The following LRFN2 variants were observed in gnomAD, a reference collection of about 807,000 sequenced individuals.
The protein encoded by LRFN2 is leucine rich repeat and fibronectin type III domain containing 2.
LRFN2 carries 18 observed loss-of-function variants against 37.3 expected under a neutral mutation model. That is an observed-to-expected ratio of 0.48 (90% CI 0.33 to 0.72). LRFN2 has a LOEUF of 0.72. Ranked by LOEUF, LRFN2 falls within the 30% of genes least tolerant of loss-of-function variation. The probability of loss-of-function intolerance (pLI) is 0.02; values close to 1 mark genes in which losing one functional copy is unlikely to be tolerated. For synonymous variants in LRFN2, 556 were observed against 466.6 expected (o/e 1.19, Z -2.47); for missense variants, 1,006 against 1,060.7 (o/e 0.95, Z 0.72).
intron 1 of LRFN2, among the ~76,000 whole-genome samples, chr6:40,449,673 C>T (rs924021724): frequency 6.6e-6 from 1 of 152,182 alleles, no homozygotes; most frequent in African/African-American, 2.4e-5. Context: ...GAACTTCCCA[C>T]AGTTTGTCTC....
chr6:40,513,526 G>A (rs759964929), intron 1 of LRFN2, among the ~76,000 whole-genome samples: 1 of 152,180 alleles, frequency 6.6e-6, no homozygotes, highest in East Asian at 1.9e-4. Context: ...GAGCCACTAT[G>A]CTCAGCCTCA....
chr6:40,474,341 G>T (rs1764665526), intron 1 of LRFN2, among the ~76,000 whole-genome samples: 1 of 152,084 alleles, frequency 6.6e-6, no homozygotes, highest in South Asian at 2.1e-4. Flanking sequence ...AATCCTAGGT[G>T]CTCCTTGGCT....
At chr6:40,420,514 C>T (rs1474264798) in intron 2 of LRFN2, among the ~76,000 whole-genome samples, 1 of 152,262 alleles carries the variant, frequency 6.6e-6, no homozygotes, top group Non-Finnish European at 1.5e-5. Context: ...AAACTGGCTA[C>T]TGGTTGCTGG....
At chr6:40,507,155 G>A (rs569631159) in intron 1 of LRFN2, among the ~76,000 whole-genome samples, 2 of 152,306 alleles carry the variant, frequency 1.3e-5, no homozygotes, top group Admixed American at 1.3e-4. Context: ...ACTCAACTCA[G>A]CCTGGCATCT....
At chr6:40,586,098 C>T (rs1298050564) in intron 1 of LRFN2, among the ~76,000 whole-genome samples, 1 of 152,180 alleles carries the variant, frequency 6.6e-6, no homozygotes, top group Non-Finnish European at 1.5e-5. Context: ...CTCTATCTCC[C>T]TAGAACTCTC....
rs539093765 is a variant in LRFN2 at position 40,567,937 on chromosome 6, C to T, written c.-19+19004G>A. Reference sequence around the variant, plus strand: ...ACTGCCATCACATTCTTCAATGCCCCTAAACAGCCTGCTCAAGAACTGGAA... The same window carrying T: ...ACTGCCATCACATTCTTCAATGCCCTTAAACAGCCTGCTCAAGAACTGGAA... On this transcript the variant is annotated intron_variant, in intron 1 of 2. Transcript: ENST00000338305. Among the ~76,000 whole-genome samples, 20 of 152,316 alleles carry T rather than the reference C, an allele frequency of 1.3e-4. No individual in the cohort carries two copies. The South Asian group carries it at 4.1e-3, about 32-fold the overall frequency.
intron 2 of LRFN2, among the ~76,000 whole-genome samples, chr6:40,427,335 T>A (rs142523404): frequency 6.6e-6 from 1 of 152,356 alleles, no homozygotes; most frequent in African/African-American, 2.4e-5. Flanking sequence ...CTCCCTTGTG[T>A]CCCAAGACAG....
intron 2 of LRFN2, among the ~76,000 whole-genome samples, chr6:40,426,513 G>A (rs750484466): frequency 1.3e-4 from 20 of 152,198 alleles, no homozygotes; most frequent in Admixed American, 4.6e-4. Context: ...ACATGCTAGC[G>A]AGAGGAAGAT....
chr6:40,395,244 C>T (rs1420748145), intron 2 of LRFN2, among the ~76,000 whole-genome samples: 5 of 152,172 alleles, frequency 3.3e-5, no homozygotes, highest in Non-Finnish European at 7.4e-5. Flanking sequence ...AAGTGATCTG[C>T]CTGAGGTCAC....
At chr6:40,393,411 A>G (rs1379355984) in intron 2 of LRFN2, among the ~76,000 whole-genome samples, 1 of 151,964 alleles carries the variant, frequency 6.6e-6, no homozygotes, top group Non-Finnish European at 1.5e-5. Context: ...CACAATGAGT[A>G]TGAAGATGAA....
chr6:40,547,781 A>G (rs1268602827), intron 1 of LRFN2, among the ~76,000 whole-genome samples: 1 of 152,106 alleles, frequency 6.6e-6, no homozygotes, highest in Non-Finnish European at 1.5e-5. Flanking sequence ...CCTTTTTGAT[A>G]CTGCTCACAT....
intron 1 of LRFN2, among the ~76,000 whole-genome samples, chr6:40,518,242 T>A (rs919042484): frequency 1.3e-5 from 2 of 152,214 alleles, no homozygotes; most frequent in African/African-American, 2.4e-5. Flanking sequence ...TCATGTAACA[T>A]CTTATTTAAT....
chr6:40,574,531 G>A (rs1038517675), intron 1 of LRFN2, among the ~76,000 whole-genome samples: 4 of 152,132 alleles, frequency 2.6e-5, no homozygotes, highest in African/African-American at 4.8e-5. Flanking sequence ...GGGGGGTGGC[G>A]GGGAGTGCTG....
At chr6:40,439,013 C>T (rs1395675747) in intron 1 of LRFN2, among the ~76,000 whole-genome samples, 3 of 152,138 alleles carry the variant, frequency 2.0e-5, no homozygotes, top group Non-Finnish European at 4.4e-5. Flanking sequence ...GTTCTTGTTC[C>T]TTGGCTTGAC....
intron 1 of LRFN2, among the ~76,000 whole-genome samples, chr6:40,455,075 C>T (rs1378335773): frequency 6.6e-6 from 1 of 152,132 alleles, no homozygotes; most frequent in Non-Finnish European, 1.5e-5. Flanking sequence ...AAATTTAAAT[C>T]TATTGCTTTT....
At chr6:40,565,076 A>C (rs151247869) in intron 1 of LRFN2, among the ~76,000 whole-genome samples, 1 of 152,334 alleles carries the variant, frequency 6.6e-6, no homozygotes, top group African/African-American at 2.4e-5. Context: ...CCAAACTCTA[A>C]GAAAAATTGG....
intron 1 of LRFN2, among the ~76,000 whole-genome samples, chr6:40,487,900 C>T (rs1765002293): frequency 7.0e-6 from 1 of 142,480 alleles, no homozygotes; most frequent in African/African-American, 3.0e-5. Context: ...TCCTAACCCC[C>T]TTTCCCAATC....
chr6:40,515,872 A>C, intron 1 of LRFN2, among the ~76,000 whole-genome samples: 1 of 142,486 alleles, frequency 7.0e-6, no homozygotes, highest in South Asian at 2.4e-4. Context: ...CAGCCTGGGC[A>C]GCAGAGTGAG....
At position 40,507,674 on chromosome 6, in the gene LRFN2, C is replaced by A. The variant is rs72852034; in HGVS notation, c.-18-74543G>T. ...TCACCTGTTTTGGAGGGGAAAATGC[C>A]TAGTCCAGCATCTGGCACACTGTAA... On this transcript the variant is annotated intron_variant, in intron 1 of 2. Transcript: ENST00000338305. 2.2e-3 allele frequency among the ~76,000 whole-genome samples: 337 copies of A among 152,188 alleles called. 4 individuals carry two copies. Among genetic ancestry groups the A allele is most frequent in the Non-Finnish European group, 3.6e-3 (247 of 68,018 alleles).
Sources: gnomAD v4.1 joint callset for allele counts (sites outside exome capture counted in the v4.1 genomes callset) on GRCh38, gnomAD v4.1.1 for gene constraint, MANE v1.5 for transcripts, NCBI Gene and HGNC (gene_info 2026-07-23, HGNC 2026-07-21) for gene names.